The following BIRC6 variants were observed in gnomAD, a reference collection of about 807,000 sequenced individuals.
BIRC6 encodes baculoviral IAP repeat containing 6.
In BIRC6, 98 loss-of-function variants were observed where a neutral mutation model predicts 503.3. That is an observed-to-expected ratio of 0.19 (90% CI 0.17 to 0.23). BIRC6 has a LOEUF of 0.23. BIRC6 is among the 10% of genes least tolerant of loss of function. BIRC6 has a pLI of 1.00. For missense variants in BIRC6, 5,360 were observed against 5,806.0 expected, an observed-to-expected ratio of 0.92 and a Z score of 2.50; for synonymous variants, 2,240 against 2,078.7, an observed-to-expected ratio of 1.08 and a Z score of -2.11.
intron 9 of BIRC6, 125 bp downstream of exon 9, chr2:32,406,682 G>A: frequency 1.7e-6 from 1 of 593,698 alleles, no homozygotes; most frequent in Non-Finnish European, 2.9e-6. Context: ...AGTATACACA[G>A]AAGACTGAAA....
intron 65 of BIRC6, among the ~76,000 whole-genome samples, chr2:32,552,152 T>C (rs562018175): frequency 6.6e-6 from 1 of 152,346 alleles, no homozygotes; most frequent in Admixed American, 6.5e-5. Context: ...TAATTTTAAA[T>C]GTCAATTGTG....
intron 66 of BIRC6, 94 bp from the exon 67 acceptor site, chr2:32,593,821 A>G: frequency 9.2e-7 from 1 of 1,086,728 alleles, no homozygotes; most frequent in Non-Finnish European, 1.3e-6. Flanking sequence ...GACAAATGAA[A>G]TGCACACACT....
At chr2:32,400,457 G>A (rs1478013576) in intron 6 of BIRC6, among the ~76,000 whole-genome samples, 1 of 150,228 alleles carries the variant, frequency 6.7e-6, no homozygotes, top group Non-Finnish European at 1.5e-5. Context: ...TTCTGCCTCA[G>A]CCTCCTGAGT....
chr2:32,404,273 C>G (rs977660592), intron 8 of BIRC6, among the ~76,000 whole-genome samples: 3 of 151,896 alleles, frequency 2.0e-5, no homozygotes, highest in African/African-American at 7.3e-5. Flanking sequence ...AATTTTCAAA[C>G]CATACAATTC....
At chr2:32,496,471 G>C (rs1049976591) in intron 45 of BIRC6, among the ~76,000 whole-genome samples, 1 of 152,034 alleles carries the variant, frequency 6.6e-6, no homozygotes, top group Non-Finnish European at 1.5e-5. Context: ...AGATCCACCT[G>C]CCTCCATTTC....
intron 65 of BIRC6, chr2:32,563,418 T>C (rs916827907): frequency 6.6e-6 from 1 of 152,134 alleles, no homozygotes; most frequent in Admixed American, 6.6e-5. Flanking sequence ...TTCTAAGGCT[T>C]CATTATTGTG....
In BIRC6 at chr2:32,390,384, A is replaced by C. The variant is rs964369625; in HGVS notation, c.839+1441A>C. On this transcript the variant is annotated intron_variant, in intron 4 of 73. Transcript: ENST00000421745. The stretch of plus-strand genomic sequence containing the variant: ...GTGGGGTTTCACCGTGTTAGCCAGG[A>C]TGGTCTCGAGCTCCTGACCTTATGA... Among the ~76,000 whole-genome samples, 54 of 150,854 alleles carry C rather than the reference A, an allele frequency of 3.6e-4. 1 individual carries two copies. Among genetic ancestry groups the C allele is most frequent in the African/African-American group, 1.3e-3 (52 of 40,870 alleles).
intron 51 of BIRC6, among the ~76,000 whole-genome samples, chr2:32,508,546 A>G (rs1051489020): frequency 2.0e-5 from 3 of 151,640 alleles, no homozygotes; most frequent in Non-Finnish European, 4.4e-5. Context: ...AATTTTTTGT[A>G]TCATACTCTG....
At chr2:32,379,845 T>C (rs980966457) in intron 2 of BIRC6, among the ~76,000 whole-genome samples, 2 of 152,202 alleles carry the variant, frequency 1.3e-5, no homozygotes, top group African/African-American at 2.4e-5. Context: ...GATTTTTTCC[T>C]GTATTATTTT....
At chr2:32,378,391 G>A (rs2037138086) in intron 2 of BIRC6, among the ~76,000 whole-genome samples, 1 of 151,792 alleles carries the variant, frequency 6.6e-6, no homozygotes, top group Admixed American at 6.6e-5. Context: ...GGAAAGAGGT[G>A]GTTCTTTCTT....
At chr2:32,451,120 C>T (rs1462379646) in intron 22 of BIRC6, among the ~76,000 whole-genome samples, 6 of 152,220 alleles carry the variant, frequency 3.9e-5, no homozygotes, top group Non-Finnish European at 2.9e-5. Context: ...GTTCTTGCCT[C>T]ACTTTAGTGC....
intron 66 of BIRC6, among the ~76,000 whole-genome samples, chr2:32,575,916 T>C (rs1407964544): frequency 2.0e-5 from 3 of 152,202 alleles, no homozygotes; most frequent in Non-Finnish European, 4.4e-5. Flanking sequence ...TAGCTATAGG[T>C]ATGAAGTTTT....
chr2:32,548,953 C>G (rs188949404), intron 64 of BIRC6: 1 of 158,076 alleles, frequency 6.3e-6, no homozygotes. Context: ...TTCTGCAACT[C>G]TAGAATGCTC....
At chr2:32,530,785 A>G (rs1009341749) in intron 60 of BIRC6, among the ~76,000 whole-genome samples, 1 of 152,172 alleles carries the variant, frequency 6.6e-6, no homozygotes, top group Non-Finnish European at 1.5e-5. Context: ...CCAGTTTTTC[A>G]GCACGATTAT....
At chr2:32,485,870 G>A (rs1034986558) in intron 40 of BIRC6, 111 bp downstream of exon 40, 1 of 702,360 alleles carries the variant, frequency 1.4e-6, no homozygotes, top group African/African-American at 1.8e-5. Flanking sequence ...TGAGTCTGAG[G>A]GGACTTAGTA....
At chr2:32,518,205 G>T in intron 55 of BIRC6, 49 bp from the exon 56 acceptor site, 2 of 1,510,006 alleles carry the variant, frequency 1.3e-6, no homozygotes, top group Non-Finnish European at 9.0e-7. Flanking sequence ...AAAATAAAAA[G>T]CTGCATATAA....
chr2:32,488,514 A>C, intron 41 of BIRC6, 74 bp from the exon 42 acceptor site: 1 of 1,271,822 alleles, frequency 7.9e-7, no homozygotes, highest in South Asian at 1.6e-5. Context: ...ATTTAAACAT[A>C]AGATTTTTGT....
At chr2:32,360,966 G>T (rs1276065105) in intron 1 of BIRC6, among the ~76,000 whole-genome samples, 1 of 152,060 alleles carries the variant, frequency 6.6e-6, no homozygotes. Context: ...TGTGGCCCAG[G>T]CTGGAGTGCA....
At chr2:32,465,387 T>TGG (rs1323202550) in intron 26 of BIRC6, among the ~76,000 whole-genome samples, 45 of 152,068 alleles carry the variant, frequency 3.0e-4, no homozygotes, top group African/African-American at 1.1e-3. Flanking sequence ...ATTTGATCTA[T>TGG]ATATGAATCT....
Sources: allele counts gnomAD v4.1 joint callset (sites outside exome capture counted in the v4.1 genomes callset), GRCh38; gene constraint gnomAD v4.1.1; transcripts MANE v1.5; gene names NCBI Gene and HGNC (gene_info 2026-07-23, HGNC 2026-07-21).